Variants in NAALADL2 observed in about 807,000 individuals in gnomAD.
The protein encoded by NAALADL2 is N-acetylated alpha-linked acidic dipeptidase like 2, also known as inactive N-acetylated-alpha-linked acidic dipeptidase-like protein 2.
NAALADL2 carries 76 observed loss-of-function variants against 87.2 expected under a neutral mutation model. That is an observed-to-expected ratio of 0.87 (90% CI 0.72 to 1.05). NAALADL2 has a LOEUF of 1.05. Among genes scored for constraint, NAALADL2 ranks in the 50% least tolerant of loss-of-function variants. NAALADL2 has a pLI of 0.00. For synonymous variants in NAALADL2, 354 were observed against 331.0 expected (o/e 1.07, Z -0.75); for missense variants, 1,089 against 945.8 (o/e 1.15, Z -1.99).
chr3:175,655,410 A>G (rs1466579932), intron 11 of NAALADL2: 3 of 295,870 alleles, frequency 1.0e-5, no homozygotes, highest in East Asian at 1.0e-4. Context: ...AAGTTTTCCA[A>G]TATATTTAGC....
chr3:175,330,368 T>C (rs1353921397), intron 5 of NAALADL2, among the ~76,000 whole-genome samples: 1 of 152,026 alleles, frequency 6.6e-6, no homozygotes, highest in Non-Finnish European at 1.5e-5. Context: ...CACTTGAGCC[T>C]TGAAGGTTGA....
upstream of NAALADL2, chr3:174,859,301 T>TA: frequency 1.3e-6 from 1 of 780,744 alleles, no homozygotes; most frequent in Non-Finnish European, 2.2e-6. Flanking sequence ...AGAAAGCAGG[T>TA]AGTATACTGT....
chr3:175,627,868 A>G (rs1396371875), intron 11 of NAALADL2, among the ~76,000 whole-genome samples: 1 of 151,708 alleles, frequency 6.6e-6, no homozygotes, highest in African/African-American at 2.4e-5. Context: ...TTCACTTTAG[A>G]TCATGGGGAA....
chr3:174,684,550 C>G (rs1727855423), intron 2 of NAALADL2, among the ~76,000 whole-genome samples: 1 of 152,002 alleles, frequency 6.6e-6, no homozygotes, highest in African/African-American at 2.4e-5. Flanking sequence ...TTCAGACATC[C>G]TTGCTGAGAT....
chr3:174,987,827 T>TATAA (rs1222203525), intron 1 of NAALADL2, among the ~76,000 whole-genome samples: 1 of 130,560 alleles, frequency 7.7e-6, no homozygotes, highest in African/African-American at 3.7e-5. Flanking sequence ...TATATATATA[T>TATAA]AATGAGACCT....
intron 1 of NAALADL2, among the ~76,000 whole-genome samples, chr3:175,080,195 G>A (rs1412783433): frequency 6.6e-6 from 1 of 152,124 alleles, no homozygotes; most frequent in African/African-American, 2.4e-5. Context: ...TCGATCTCCT[G>A]ACCTCGTGAT....
intron 9 of NAALADL2, among the ~76,000 whole-genome samples, chr3:175,510,555 AT>A (rs1417779035): frequency 1.3e-5 from 2 of 152,232 alleles, no homozygotes; most frequent in Non-Finnish European, 2.9e-5. Context: ...TTTTAAAAAA[AT>A]AACTGGTATT....
chr3:175,249,768 T>G (rs559195950), intron 3 of NAALADL2, among the ~76,000 whole-genome samples: 1 of 152,304 alleles, frequency 6.6e-6, no homozygotes, highest in Admixed American at 6.5e-5. Context: ...TTCCCAGAAT[T>G]CATCCATTGA....
At chr3:174,988,782 CT>C (rs1301732711) in intron 1 of NAALADL2, among the ~76,000 whole-genome samples, 1 of 152,130 alleles carries the variant, frequency 6.6e-6, no homozygotes, top group Admixed American at 6.5e-5. Context: ...AGGAACTGAC[CT>C]TTTTGCAGTA....
chr3:175,412,145 C>T (rs1018858927), intron 5 of NAALADL2, among the ~76,000 whole-genome samples: 5 of 152,156 alleles, frequency 3.3e-5, no homozygotes, highest in African/African-American at 1.2e-4. Context: ...TTATAATCAA[C>T]GTATTTTTAT....
chr3:174,611,888 C>T (rs944771479), intron 2 of NAALADL2, among the ~76,000 whole-genome samples: 8 of 152,000 alleles, frequency 5.3e-5, no homozygotes, highest in African/African-American at 1.9e-4. Flanking sequence ...AGCCACTGCA[C>T]CTGAGCAGAT....
chr3:175,165,162 C>T (rs748993565), intron 2 of NAALADL2, among the ~76,000 whole-genome samples: 4 of 152,080 alleles, frequency 2.6e-5, no homozygotes, highest in Non-Finnish European at 4.4e-5. Context: ...ACACCCAAGC[C>T]GAAACAGATA....
At chr3:175,033,489 TAGA>T (rs1753021016) in intron 1 of NAALADL2, among the ~76,000 whole-genome samples, 1 of 152,126 alleles carries the variant, frequency 6.6e-6, no homozygotes, top group South Asian at 2.1e-4. Flanking sequence ...CACAGCTACT[TAGA>T]AGAATTTATT....
intron 4 of NAALADL2, among the ~76,000 whole-genome samples, chr3:175,278,874 G>T (rs1045363293): frequency 6.6e-6 from 1 of 152,130 alleles, no homozygotes. Flanking sequence ...TTCCATCTAT[G>T]TATCCAGGGA....
chr3:175,024,808 G>C (rs1351957139), intron 1 of NAALADL2, among the ~76,000 whole-genome samples: 1 of 151,944 alleles, frequency 6.6e-6, no homozygotes, highest in Non-Finnish European at 1.5e-5. Flanking sequence ...TCATTTGTCA[G>C]AGTAACATGT....
At chr3:174,972,830 T>TA (rs201720738) in intron 1 of NAALADL2, among the ~76,000 whole-genome samples, 2,697 of 150,334 alleles carry the variant, frequency 0.018, 30 homozygotes, top group African/African-American at 0.032. Flanking sequence ...CTGTCTCTAC[T>TA]AAAAAAAAAT....
chr3:175,390,012 C>A (rs1296517380), intron 5 of NAALADL2, among the ~76,000 whole-genome samples: 1 of 151,884 alleles, frequency 6.6e-6, no homozygotes, highest in African/African-American at 2.4e-5. Flanking sequence ...CTCAAGTTAG[C>A]AGGGAATAAG....
At chr3:174,809,259 G>A (rs1013531486) in intron 3 of NAALADL2, among the ~76,000 whole-genome samples, 3 of 152,162 alleles carry the variant, frequency 2.0e-5, no homozygotes, top group Non-Finnish European at 4.4e-5. Context: ...TGCTTTGGAG[G>A]TATACTGGAT....
At chr3:175,718,432 G>T (rs1325559227) in intron 11 of NAALADL2, 2 of 1,582,002 alleles carry the variant, frequency 1.3e-6, no homozygotes, top group African/African-American at 2.7e-5. Flanking sequence ...TTAAAAAGGG[G>T]GGTGCTTCTG....
Sources: allele counts gnomAD v4.1 joint callset (sites outside exome capture counted in the v4.1 genomes callset), GRCh38; gene constraint gnomAD v4.1.1; transcripts MANE v1.5; gene names NCBI Gene and HGNC (gene_info 2026-07-23, HGNC 2026-07-21).